Variants in DLG2 observed in about 807,000 individuals in gnomAD.
DLG2 encodes the protein discs large MAGUK scaffold protein 2, also known as disks large homolog 2.
A neutral mutation model predicts 132.5 loss-of-function variants in DLG2; 45 were observed. The observed-to-expected ratio is 0.34, with a 90% CI of 0.27 to 0.44. The LOEUF (loss-of-function observed/expected upper bound fraction) is 0.44, where lower values mean the gene tolerates loss of function less well. Ranked by LOEUF, DLG2 falls within the 20% of genes least tolerant of loss-of-function variation. DLG2 has a pLI of 1.00. For missense variants in DLG2, 1,045 were observed against 1,196.9 expected (o/e 0.87, Z 1.87); for synonymous variants, 424 against 419.6 (o/e 1.01, Z -0.13).
chr11:83,791,785 AC>A (rs2041632354), intron 17 of DLG2, among the ~76,000 whole-genome samples: 1 of 152,180 alleles, frequency 6.6e-6, no homozygotes, highest in African/African-American at 2.4e-5. Flanking sequence ...TGGCCGGGCT[AC>A]GCTTCCTCTC....
chr11:85,133,807 A>T (rs1361757455), intron 5 of DLG2, among the ~76,000 whole-genome samples: 1 of 152,134 alleles, frequency 6.6e-6, no homozygotes, highest in Non-Finnish European at 1.5e-5. Context: ...CAGCATTTTA[A>T]CAGCCAAATG....
rs2089422148 is a variant in DLG2 at position 83,459,050 on chromosome 11, T to G, written c.*768A>C. The G allele has an allele frequency of 6.6e-6, 1 of 152,568 alleles. No homozygotes were observed. The highest frequency in any genetic ancestry group is 2.1e-4 in the South Asian group (1 of 4,836). 9.5% of individuals were successfully genotyped at this position (152,568 alleles called of 1,614,324 possible). A position where few individuals can be genotyped will look rare whatever the true frequency, so the allele number is the denominator to read the frequency against. ...TTCAATATTAGTCTTTACAAAATAT[T>G]TCACAAAACTTTTTTAACCTATAGA... On this transcript the variant is annotated 3_prime_UTR_variant, in exon 28 of 28. Coordinates refer to ENST00000376104, the MANE Select transcript of DLG2 (RefSeq NM_001142699.3).
intron 6 of DLG2, among the ~76,000 whole-genome samples, chr11:84,987,065 T>C (rs1282371214): frequency 6.6e-6 from 1 of 152,142 alleles, no homozygotes; most frequent in African/African-American, 2.4e-5. Flanking sequence ...TCAGCAAAGT[T>C]TCTGGACACA....
intron 9 of DLG2, among the ~76,000 whole-genome samples, chr11:84,150,348 C>T (rs1224829525): frequency 6.6e-6 from 1 of 152,034 alleles, no homozygotes; most frequent in Non-Finnish European, 1.5e-5. Context: ...AATAGGATTG[C>T]ATTGTTATTT....
intron 7 of DLG2, among the ~76,000 whole-genome samples, chr11:84,325,002 T>C (rs1165323459): frequency 6.6e-6 from 1 of 152,078 alleles, no homozygotes; most frequent in Non-Finnish European, 1.5e-5. Flanking sequence ...CCAATTGAGG[T>C]TTCTTTTCTT....
intron 9 of DLG2, among the ~76,000 whole-genome samples, chr11:84,152,652 C>T (rs933695881): frequency 5.3e-5 from 8 of 152,246 alleles, no homozygotes; most frequent in Admixed American, 3.3e-4. Flanking sequence ...CCCCAAAGTG[C>T]TGGGATTACA....
At chr11:84,618,944 T>C (rs758562544) in intron 6 of DLG2, among the ~76,000 whole-genome samples, 22 of 152,026 alleles carry the variant, frequency 1.4e-4, no homozygotes, top group Non-Finnish European at 2.8e-4. Context: ...AAGAAGGCGA[T>C]TGTAAACAGA....
chr11:84,334,868 C>T (rs1346480972), intron 7 of DLG2, among the ~76,000 whole-genome samples: 1 of 152,102 alleles, frequency 6.6e-6, no homozygotes, highest in East Asian at 1.9e-4. Flanking sequence ...GAGAAAGTGA[C>T]ATTTCGGCTG....
At chr11:83,561,935 C>CTGGA (rs2096618387) in intron 19 of DLG2, among the ~76,000 whole-genome samples, 1 of 121,420 alleles carries the variant, frequency 8.2e-6, no homozygotes, top group Admixed American at 1.1e-4. Flanking sequence ...TGTCACCAGG[C>CTGGA]TGGAGTGCAG....
intron 2 of DLG2, among the ~76,000 whole-genome samples, chr11:85,626,251 T>C (rs2082022674): frequency 1.3e-5 from 2 of 152,256 alleles, no homozygotes; most frequent in South Asian, 4.1e-4. Flanking sequence ...AGAGCTCCAC[T>C]GCACAAGTTT....
chr11:84,799,887 T>C (rs1197046399), intron 6 of DLG2, among the ~76,000 whole-genome samples: 2 of 152,174 alleles, frequency 1.3e-5, no homozygotes, highest in African/African-American at 2.4e-5. Context: ...TAATAAATAA[T>C]GTCCTGGAAC....
chr11:84,731,182 A>T (rs1171970438), intron 6 of DLG2, among the ~76,000 whole-genome samples: 1 of 152,074 alleles, frequency 6.6e-6, no homozygotes, highest in Non-Finnish European at 1.5e-5. Flanking sequence ...TATTTGCTTT[A>T]GTTAGCATCT....
At chr11:84,571,015 T>C (rs1223854533) in intron 6 of DLG2, among the ~76,000 whole-genome samples, 1 of 152,120 alleles carries the variant, frequency 6.6e-6, no homozygotes, top group Non-Finnish European at 1.5e-5. Flanking sequence ...TTCTGTTTAA[T>C]AGTGAGATGA....
chr11:84,384,845 G>A (rs926250940), intron 7 of DLG2, among the ~76,000 whole-genome samples: 1 of 151,992 alleles, frequency 6.6e-6, no homozygotes, highest in African/African-American at 2.4e-5. Flanking sequence ...GCAGAGTGTT[G>A]GTACTGTGTT....
At chr11:84,682,736 C>T (rs1351282009) in intron 6 of DLG2, among the ~76,000 whole-genome samples, 3 of 152,196 alleles carry the variant, frequency 2.0e-5, no homozygotes, top group Admixed American at 6.5e-5. Flanking sequence ...AATCTAATCT[C>T]ACACAGAGGA....
chr11:83,775,205 C>A (rs1161605233), intron 18 of DLG2, among the ~76,000 whole-genome samples: 3 of 152,160 alleles, frequency 2.0e-5, no homozygotes, highest in African/African-American at 7.2e-5. Context: ...TTTGTCCCTC[C>A]ATATCCCTCT....
intron 6 of DLG2, among the ~76,000 whole-genome samples, chr11:84,946,788 C>T (rs1282459393): frequency 1.3e-5 from 2 of 152,144 alleles, no homozygotes; most frequent in African/African-American, 4.8e-5. Flanking sequence ...CCAGGACTTA[C>T]CAAGGAATTT....
intron 18 of DLG2, among the ~76,000 whole-genome samples, chr11:83,637,167 G>A (rs1349886415): frequency 6.6e-6 from 1 of 152,140 alleles, no homozygotes; most frequent in Non-Finnish European, 1.5e-5. Context: ...TCCTGAAATT[G>A]TATTTTTCAA....
chr11:83,631,178 T>G (rs1247712253), intron 19 of DLG2: 1 of 150,320 alleles, frequency 6.7e-6, no homozygotes, highest in Non-Finnish European at 1.5e-5. Context: ...TTTTTTTTTT[T>G]TTTTTTTTTG....
Sources: gnomAD v4.1 joint callset for allele counts (sites outside exome capture counted in the v4.1 genomes callset) on GRCh38, gnomAD v4.1.1 for gene constraint, MANE v1.5 for transcripts, NCBI Gene and HGNC (gene_info 2026-07-23, HGNC 2026-07-21) for gene names.